Variants in CPNE4 observed in about 807,000 individuals in gnomAD.
The protein encoded by CPNE4 is copine 4.
In CPNE4, 25 loss-of-function variants were observed where a neutral mutation model predicts 67.9. That is an observed-to-expected ratio of 0.37 (90% confidence interval 0.27 to 0.51). The LOEUF (loss-of-function observed/expected upper bound fraction) is 0.51. Among genes scored for constraint, CPNE4 ranks in the 20% least tolerant of loss-of-function variants. CPNE4 has a pLI of 0.93. For missense variants in CPNE4, 464 were observed against 690.8 expected (o/e 0.67, Z 3.68); for synonymous variants, 242 against 244.9 (o/e 0.99, Z 0.11).
chr3:131,564,249 A>T lies in CPNE4; in HGVS notation c.1028T>A (p.Val343Glu). ...YQPNEYLKAL[V>E]AVGEICQDYD... ...GTCTTGGCAAATCTCCCCCACAGCT[A>T]CCAAAGCTTTCAGATACTCATTGGG... The change falls in exon 11 of 16, where the codon GTA becomes GAA. Residue 343 changes from valine (V) to glutamate (E), a missense_variant. Physicochemically the swap from Val to Glu is moderately radical, Grantham distance 121. Around this residue, in one of 6 missense-constraint regions of CPNE4, gnomAD observed 201 missense variants for 357.7 expected, o/e 0.56. Coordinates refer to ENST00000429747, the MANE Select transcript of CPNE4 (RefSeq NM_130808.3). The T allele has an allele frequency of 6.2e-7, 1 of 1,612,954 alleles. No individual in the cohort carries two copies. The highest frequency in any genetic ancestry group is 2.2e-5 in the East Asian group (1 of 44,814).
intron 7 of CPNE4, among the ~76,000 whole-genome samples, chr3:131,634,559 T>C (rs540338332): frequency 8.5e-5 from 13 of 152,274 alleles, no homozygotes; most frequent in African/African-American, 3.1e-4. Flanking sequence ...TCTGTTCTTA[T>C]TTGCTTACCT....
chr3:131,730,901 C>A (rs568282814), intron 2 of CPNE4, among the ~76,000 whole-genome samples: 1 of 152,278 alleles, frequency 6.6e-6, no homozygotes, highest in South Asian at 2.1e-4. Context: ...GTTTAAGCCA[C>A]CCAGTTTATG....
intron 2 of CPNE4, among the ~76,000 whole-genome samples, chr3:131,789,426 G>C (rs1404900290): frequency 6.6e-6 from 1 of 152,152 alleles, no homozygotes; most frequent in Non-Finnish European, 1.5e-5. Context: ...AGACTTGGGA[G>C]CTAGACTGCC....
intron 2 of CPNE4, among the ~76,000 whole-genome samples, chr3:131,799,926 TG>T (rs371451426): frequency 0.037 from 1,306 of 35,514 alleles, 15 homozygotes; most frequent in African/African-American, 0.1. Context: ...GTGTTGTGTG[TG>T]TGTGTGTGTG....
At chr3:131,705,832 AGAG>A in intron 3 of CPNE4, among the ~76,000 whole-genome samples, 1 of 152,168 alleles carries the variant, frequency 6.6e-6, no homozygotes, top group East Asian at 1.9e-4. Flanking sequence ...GGTTTCAGAG[AGAG>A]TTTTAAGGAC....
intron 1 of CPNE4, among the ~76,000 whole-genome samples, chr3:131,929,689 T>G (rs1226390402): frequency 1.3e-5 from 2 of 152,126 alleles, no homozygotes; most frequent in Non-Finnish European, 2.9e-5. Context: ...CACCCCCTTC[T>G]GTGTCCCATT....
At chr3:131,710,768 G>T (rs1227066167) in intron 3 of CPNE4, among the ~76,000 whole-genome samples, 3 of 152,110 alleles carry the variant, frequency 2.0e-5, no homozygotes, top group Non-Finnish European at 4.4e-5. Context: ...GAAGTCAGTG[G>T]GAAGACCTGG....
chr3:131,907,042 G>A (rs930721007), intron 1 of CPNE4, among the ~76,000 whole-genome samples: 3 of 151,852 alleles, frequency 2.0e-5, no homozygotes, highest in Non-Finnish European at 4.4e-5. Flanking sequence ...AAAAAGGGGG[G>A]GAAGGACCTG....
intron 1 of CPNE4, among the ~76,000 whole-genome samples, chr3:131,952,365 G>C (rs1194142867): frequency 6.7e-6 from 1 of 149,742 alleles, no homozygotes; most frequent in Non-Finnish European, 1.5e-5. Context: ...CCCTCCGCCC[G>C]GCAGCCGCCC....
At position 132,015,216 on chromosome 3, in the gene CPNE4, T is replaced by A. The variant is rs2073862454; in HGVS notation, c.-2+19351A>T. Among the ~76,000 whole-genome samples the A allele has an allele frequency of 2.0e-5, 3 of 152,070 alleles. No individual in the cohort carries two copies. The South Asian group carries it at 6.2e-4, about 32-fold the overall frequency. ...ATCTCTGGGCTTAGGTTTTTCTTATTTATTGGCTCAAATTATTGCACATCT... is the reference window on the plus strand; with the variant it reads ...ATCTCTGGGCTTAGGTTTTTCTTATATATTGGCTCAAATTATTGCACATCT... On this transcript the variant is annotated intron_variant, in intron 1 of 15. Transcript: ENST00000429747.
At chr3:131,806,988 A>G (rs1159526864) in intron 2 of CPNE4, among the ~76,000 whole-genome samples, 1 of 152,192 alleles carries the variant, frequency 6.6e-6, no homozygotes, top group Non-Finnish European at 1.5e-5. Context: ...CAGGATTAGG[A>G]GAAAGAGATA....
intron 7 of CPNE4, among the ~76,000 whole-genome samples, chr3:131,663,832 G>C (rs1362888210): frequency 6.6e-6 from 1 of 152,150 alleles, no homozygotes; most frequent in Admixed American, 6.6e-5. Context: ...ACCCCTTAGT[G>C]GGTTCCTGGG....
intron 2 of CPNE4, among the ~76,000 whole-genome samples, chr3:131,815,680 G>A (rs1430496059): frequency 1.3e-5 from 2 of 152,168 alleles, no homozygotes; most frequent in South Asian, 2.1e-4. Flanking sequence ...TTATTCCAGA[G>A]AGCCAGCAAA....
chr3:131,842,127 C>T (rs1245395265), intron 2 of CPNE4, among the ~76,000 whole-genome samples: 2 of 152,148 alleles, frequency 1.3e-5, no homozygotes, highest in Non-Finnish European at 1.5e-5. Flanking sequence ...ACAGAAATGG[C>T]AGAATGGCAT....
rs572720493 is a variant in CPNE4 at position 131,846,851 on chromosome 3, G to A, written c.180+58413C>T. Among the ~76,000 whole-genome samples, 4 of 141,980 alleles carry A rather than the reference G, an allele frequency of 2.8e-5. No individual in the cohort carries two copies. In the East Asian group the frequency reaches 6.3e-4, roughly 22 times the overall value. 93.1% of individuals were successfully genotyped at this position (141,980 alleles called of 152,430 possible). On this transcript the variant is annotated intron_variant, in intron 2 of 15. Transcript: ENST00000429747. ...AGCTGAACCTACATGTGGCTGCTAG[G>A]GCTTCCTTGCAGCATGACAGCTGCT...
intron 1 of CPNE4, among the ~76,000 whole-genome samples, chr3:131,947,623 A>G (rs548395475): frequency 1.3e-5 from 2 of 152,228 alleles, no homozygotes; most frequent in East Asian, 3.9e-4. Flanking sequence ...CATTTTATTT[A>G]TCCAGTCTAT....
chr3:131,745,002 C>G (rs913239663), intron 2 of CPNE4, among the ~76,000 whole-genome samples: 9 of 152,294 alleles, frequency 5.9e-5, no homozygotes, highest in African/African-American at 2.2e-4. Flanking sequence ...TTTAAAGAAA[C>G]TGACAAGCTG....
rs558126705 is a variant in CPNE4, at chr3:131,610,222, T to G, written c.682-22640A>C. On this transcript the variant is annotated intron_variant, in intron 7 of 15. Coordinates refer to ENST00000429747, the MANE Select transcript of CPNE4 (RefSeq NM_130808.3). ...CCATTGCTTTTTCCATCACAAAGCCTATAATCTAGCAAGAAACACAGATAA... is the reference window on the plus strand; with the variant it reads ...CCATTGCTTTTTCCATCACAAAGCCGATAATCTAGCAAGAAACACAGATAA... Among the ~76,000 whole-genome samples the G allele has an allele frequency of 9.6e-4, 146 of 152,260 alleles. 1 individual carries two copies. The highest frequency in any genetic ancestry group is 3.4e-3 in the Middle Eastern group (1 of 294).
intron 2 of CPNE4, among the ~76,000 whole-genome samples, chr3:131,893,654 A>G (rs921604406): frequency 1.3e-5 from 2 of 152,030 alleles, no homozygotes; most frequent in Non-Finnish European, 2.9e-5. Context: ...AGAAACCAAC[A>G]AGAAAAGCTT....
Sources: gnomAD v4.1 joint callset for allele counts (sites outside exome capture counted in the v4.1 genomes callset) on GRCh38, gnomAD v4.1.1 for gene constraint, gnomAD v4.1.1 regional missense constraint, MANE v1.5 for transcripts, NCBI Gene and HGNC (gene_info 2026-07-23, HGNC 2026-07-21) for gene names.